The following SYNE2 variants were observed in gnomAD, a reference collection of about 807,000 sequenced individuals.
The protein encoded by SYNE2 is spectrin repeat containing nuclear envelope protein 2.
A neutral mutation model predicts 856.3 loss-of-function variants in SYNE2; 431 were observed. The ratio of observed to expected loss-of-function variants is 0.50; its 90% confidence interval spans 0.47 to 0.55. The LOEUF is 0.55. Ranked by LOEUF, SYNE2 falls within the 20% of genes least tolerant of loss-of-function variation. The pLI is 0.00. For missense variants in SYNE2, 8,129 were observed against 8,023.2 expected, an observed-to-expected ratio of 1.01 and a Z score of -0.50; for synonymous variants, 2,923 against 2,872.3, an observed-to-expected ratio of 1.02 and a Z score of -0.56.
intron 41 of SYNE2, among the ~76,000 whole-genome samples, chr14:64,025,955 A>G (rs570974975): frequency 6.6e-6 from 1 of 152,274 alleles, no homozygotes; most frequent in East Asian, 1.9e-4. Flanking sequence ...AAATTCAATC[A>G]CTAGATAAAA....
chr14:64,174,955 T>G lies in SYNE2; in HGVS notation c.17247T>G (p.Ile5749Met). 6.2e-7 allele frequency: 1 copy of G among 1,614,108 alleles called. No homozygotes were observed. The highest frequency in any genetic ancestry group is 8.5e-7 in the Non-Finnish European group (1 of 1,179,976). The change falls in exon 95 of 116, where the codon ATT becomes ATG. Residue 5749 changes from isoleucine to methionine, a missense_variant. Transcript: ENST00000555002. ...SLIHELKNKE[I>M]HFQRRRTTCA... The stretch of plus-strand genomic sequence containing the variant: ...CTTTTTTTTCTTAGAATAAAGAAAT[T>G]CATTTTCAAAGGAGGCGAACTACCT...
chr14:64,000,222 T>C (rs2096743393), intron 27 of SYNE2, among the ~76,000 whole-genome samples: 1 of 152,240 alleles, frequency 6.6e-6, no homozygotes, highest in Non-Finnish European at 1.5e-5. Context: ...TAAGAAAGAT[T>C]TCCTATCCAG....
chr14:63,948,146 T>TACACACAC (rs955649466), intron 6 of SYNE2, among the ~76,000 whole-genome samples: 3 of 119,738 alleles, frequency 2.5e-5, no homozygotes, highest in African/African-American at 1.0e-4. Context: ...TGCGCGCACA[T>TACACACAC]ACACACACAG....
intron 20 of SYNE2, 130 bp from the exon 21 acceptor site, chr14:63,990,812 T>C: frequency 2.4e-6 from 2 of 823,720 alleles, no homozygotes; most frequent in South Asian, 1.6e-5. Flanking sequence ...ATAATTTAGA[T>C]AGATTTATCA....
intron 55 of SYNE2, 45 bp downstream of exon 55, chr14:64,078,651 C>T (rs781262304): frequency 6.2e-7 from 1 of 1,606,458 alleles, no homozygotes; most frequent in East Asian, 2.2e-5. Flanking sequence ...TACTTCTGAC[C>T]CACTCCTGCC....
At chr14:63,791,394 C>T (rs1163130283) in intron 1 of SYNE2, among the ~76,000 whole-genome samples, 2 of 152,182 alleles carry the variant, frequency 1.3e-5, no homozygotes, top group South Asian at 2.1e-4. Flanking sequence ...TGTCAACTCC[C>T]TCCTCCATTG....
rs1232744942 is a variant in SYNE2 at position 64,093,368 on chromosome 14, A to G, written c.11996A>G (p.Asn3999Ser). 1.3e-5 allele frequency: 21 copies of G among 1,614,060 alleles called. No individual in the cohort carries two copies. Among genetic ancestry groups the G allele is most frequent in the East Asian group, 4.5e-5 (2 of 44,872 alleles). The change falls in exon 61 of 116, where the codon AAT (asparagine) becomes AGT (serine). Residue 3999 changes from asparagine (N) to serine (S), a missense_variant. Coordinates refer to ENST00000555002, the MANE Select transcript of SYNE2 (RefSeq NM_182914.3). Reference sequence around the variant, plus strand: ...TTATAGGTAGTCATAAAACAGACCAATGAATGGGATGAAGAAATAGAAAAT... The same window carrying G: ...TTATAGGTAGTCATAAAACAGACCAGTGAATGGGATGAAGAAATAGAAAAT... ...ELLKVVIKQTNEWDEEIENLK... is the reference protein window; with the variant it reads ...ELLKVVIKQTSEWDEEIENLK...
intron 1 of SYNE2, among the ~76,000 whole-genome samples, chr14:63,892,419 TC>T (rs1329263444): frequency 6.6e-6 from 1 of 151,746 alleles, no homozygotes; most frequent in East Asian, 1.9e-4. Flanking sequence ...AGTTTCATGT[TC>T]TTCTTGAAAA....
intron 1 of SYNE2, among the ~76,000 whole-genome samples, chr14:63,796,655 C>T (rs939681868): frequency 6.6e-6 from 1 of 150,960 alleles, no homozygotes; most frequent in Non-Finnish European, 1.5e-5. Context: ...AGTACCTTGC[C>T]TTTTTTTTTC....
chr14:64,094,472 C>T (rs761945499), intron 61 of SYNE2, among the ~76,000 whole-genome samples: 20 of 152,030 alleles, frequency 1.3e-4, no homozygotes, highest in Non-Finnish European at 2.6e-4. Context: ...AAAACAACAA[C>T]AACAAAAAAA....
chr14:63,938,398 C>T (rs530785336), intron 2 of SYNE2, among the ~76,000 whole-genome samples: 3 of 152,168 alleles, frequency 2.0e-5, no homozygotes, highest in African/African-American at 4.8e-5. Flanking sequence ...CACCCCTGCA[C>T]TCCAGCTTGA....
At chr14:63,966,519 T>C (rs893598046) in intron 10 of SYNE2, among the ~76,000 whole-genome samples, 3 of 151,318 alleles carry the variant, frequency 2.0e-5, no homozygotes, top group Non-Finnish European at 4.4e-5. Context: ...CCAGATCCTG[T>C]CTCCAAAAAA....
intron 45 of SYNE2, among the ~76,000 whole-genome samples, chr14:64,033,515 CAAA>C (rs34976939): frequency 3.5e-5 from 5 of 141,082 alleles, no homozygotes; most frequent in African/African-American, 5.3e-5. Context: ...CCAGTCTCTA[CAAA>C]AAAAAAAAAA....
intron 45 of SYNE2, among the ~76,000 whole-genome samples, chr14:64,044,435 A>G (rs531055654): frequency 6.6e-6 from 1 of 152,270 alleles, no homozygotes; most frequent in South Asian, 2.1e-4. Flanking sequence ...TTTGTCTCAG[A>G]TTACACTTTT....
chr14:64,107,444 G>A (rs780255854), intron 64 of SYNE2, 47 bp from the exon 65 acceptor site: 2 of 1,503,056 alleles, frequency 1.3e-6, no homozygotes, highest in Non-Finnish European at 1.9e-6. Flanking sequence ...AATTCATGTG[G>A]CACCAGGGCA....
Position 64,091,042 on chromosome 14 carries a change from A to G in SYNE2, c.11970A>G (p.Leu3990=). ...LENVTQEQNE[L]LKVVIKQTNE... ...ATGTGACTCAAGAACAAAATGAGTT[A>G]TTAAAGGTAAGCAGTTTCTGATGAC... is the stretch of plus-strand genomic sequence containing the variant. The change falls in exon 60 of 116, where the codon TTA becomes TTG. Residue 3990 remains leucine, a synonymous_variant. Coordinates refer to ENST00000555002, the MANE Select transcript of SYNE2 (RefSeq NM_182914.3). 6.2e-7 allele frequency: 1 copy of G among 1,614,008 alleles called. No homozygotes were observed. Among genetic ancestry groups the G allele is most frequent in the East Asian group, 2.2e-5 (1 of 44,876 alleles).
intron 2 of SYNE2, among the ~76,000 whole-genome samples, chr14:63,936,436 C>G (rs184501899): frequency 6.6e-6 from 1 of 152,058 alleles, no homozygotes; most frequent in African/African-American, 2.4e-5. Flanking sequence ...AATTTTAGAT[C>G]GGACAGTCAG....
chr14:64,211,312 G>C (rs2098639859), intron 103 of SYNE2, among the ~76,000 whole-genome samples: 1 of 152,184 alleles, frequency 6.6e-6, no homozygotes, highest in Admixed American at 6.5e-5. Context: ...ATCTGGCTGT[G>C]GCTAATCTGC....
At chr14:64,188,797 AC>A in intron 98 of SYNE2, 89 bp downstream of exon 98, 1 of 1,374,018 alleles carries the variant, frequency 7.3e-7, no homozygotes, top group Non-Finnish European at 1.0e-6. Flanking sequence ...GGGCAATGTT[AC>A]GGGTGTTTCC....
Sources: allele counts gnomAD v4.1 joint callset (sites outside exome capture counted in the v4.1 genomes callset), GRCh38; gene constraint gnomAD v4.1.1; transcripts MANE v1.5; gene names NCBI Gene and HGNC (gene_info 2026-07-23, HGNC 2026-07-21).